Variants in ZNF385D observed in about 807,000 individuals in gnomAD.
ZNF385D encodes zinc finger protein 659.
ZNF385D carries 15 observed loss-of-function variants against 35.8 expected under a neutral mutation model. The observed-to-expected ratio is 0.42, with a 90% CI of 0.28 to 0.64. The LOEUF (loss-of-function observed/expected upper bound fraction) is 0.64, where lower values mean the gene tolerates loss of function less well. Among genes scored for constraint, ZNF385D ranks in the 30% least tolerant of loss-of-function variants. The pLI, the probability that ZNF385D is intolerant of heterozygous loss-of-function variation, is 0.23. For synonymous variants in ZNF385D, 212 were observed against 186.8 expected, an observed-to-expected ratio of 1.13 and a Z score of -1.10; for missense variants, 474 against 494.6, an observed-to-expected ratio of 0.96 and a Z score of 0.39.
In ZNF385D at chr3:22,096,837, T is replaced by C. The variant is rs540766295; in HGVS notation, c.325+71980A>G. Among the ~76,000 whole-genome samples, 15 of 152,210 alleles carry C rather than the reference T, an allele frequency of 9.9e-5. No homozygotes were observed. In the South Asian group the frequency reaches 1.2e-3, roughly 13 times the overall value. ...TCACAATTCTCTGATGCTCCTCTCA[T>C]TGAGAGAAACTGTGCCTTTCCTCCT... On this transcript the variant is annotated intron_variant, in intron 3 of 5. Transcript: ENST00000494108.
At chr3:22,220,201 C>A (rs1257427681) in intron 2 of ZNF385D, among the ~76,000 whole-genome samples, 1 of 151,828 alleles carries the variant, frequency 6.6e-6, no homozygotes, top group Non-Finnish European at 1.5e-5. Flanking sequence ...GTCACTGGGA[C>A]CACAGGCACG....
intron 2 of ZNF385D, among the ~76,000 whole-genome samples, chr3:22,172,004 A>C (rs1451841092): frequency 1.3e-5 from 2 of 152,188 alleles, no homozygotes; most frequent in African/African-American, 4.8e-5. Context: ...TAAAAACGAC[A>C]TGCTTAAATT....
chr3:21,762,903 A>G (rs984379333), intron 3 of ZNF385D, among the ~76,000 whole-genome samples: 2 of 152,170 alleles, frequency 1.3e-5, no homozygotes, highest in Non-Finnish European at 2.9e-5. Flanking sequence ...TTTTGGTTCT[A>G]CGTCACAGCT....
At chr3:22,060,838 T>C (rs1457171545) in intron 3 of ZNF385D, among the ~76,000 whole-genome samples, 1 of 152,060 alleles carries the variant, frequency 6.6e-6, no homozygotes, top group Non-Finnish European at 1.5e-5. Context: ...AAAAGAAAGT[T>C]TTGCAGTTTA....
chr3:21,989,042 T>C (rs6768662), intron 3 of ZNF385D, among the ~76,000 whole-genome samples: 50,790 of 151,590 alleles, frequency 0.34, 10,733 homozygotes, highest in African/African-American at 0.61. Context: ...CACTGGCCTG[T>C]GCCCACTGTC....
chr3:21,783,335 C>G (rs2071564205), intron 3 of ZNF385D, among the ~76,000 whole-genome samples: 1 of 152,050 alleles, frequency 6.6e-6, no homozygotes, highest in South Asian at 2.1e-4. Flanking sequence ...CCCAGGGAGT[C>G]TCAAATATTT....
intron 3 of ZNF385D, among the ~76,000 whole-genome samples, chr3:22,116,091 A>G (rs1164200869): frequency 6.6e-6 from 1 of 152,078 alleles, no homozygotes; most frequent in Non-Finnish European, 1.5e-5. Flanking sequence ...ATATTTACAC[A>G]TAAGTATGAT....
At chr3:21,746,910 G>A (rs183979521) in intron 1 of ZNF385D, among the ~76,000 whole-genome samples, 3 of 152,286 alleles carry the variant, frequency 2.0e-5, no homozygotes, top group East Asian at 1.9e-4. Flanking sequence ...ACAACCAAAA[G>A]TGTAAGTGCT....
chr3:22,365,729 A>G (rs1322443486), intron 2 of ZNF385D, among the ~76,000 whole-genome samples: 1 of 152,082 alleles, frequency 6.6e-6, no homozygotes. Flanking sequence ...AGTGTTTGAT[A>G]TAGTTTCTTT....
intron 2 of ZNF385D, among the ~76,000 whole-genome samples, chr3:22,364,897 C>A (rs987929354): frequency 1.3e-5 from 2 of 152,040 alleles, no homozygotes; most frequent in Admixed American, 1.3e-4. Flanking sequence ...TATACACACA[C>A]AGTGGAATAT....
At chr3:21,787,020 C>A (rs1020365396) in intron 3 of ZNF385D, among the ~76,000 whole-genome samples, 3 of 151,962 alleles carry the variant, frequency 2.0e-5, no homozygotes, top group African/African-American at 7.3e-5. Context: ...ACTTAAATGA[C>A]AAGGAATTTT....
chr3:21,732,791 G>A (rs1381926863), intron 1 of ZNF385D, among the ~76,000 whole-genome samples: 2 of 152,140 alleles, frequency 1.3e-5, no homozygotes, highest in Non-Finnish European at 2.9e-5. Flanking sequence ...TTGGATGACA[G>A]TCCTTTATCA....
At chr3:22,254,222 G>C (rs1700201139) in intron 2 of ZNF385D, among the ~76,000 whole-genome samples, 1 of 151,718 alleles carries the variant, frequency 6.6e-6, no homozygotes, top group African/African-American at 2.4e-5. Context: ...AAATTAAAAT[G>C]AGCAATAAAT....
At chr3:22,005,056 C>CAAAAAAAAAAAA (rs71044965) in intron 3 of ZNF385D, among the ~76,000 whole-genome samples, 7 of 57,368 alleles carry the variant, frequency 1.2e-4, no homozygotes, top group Non-Finnish European at 1.9e-4. Flanking sequence ...CACTCAGCAG[C>CAAAAAAAAAAAA]AAAAAAAAAA....
chr3:22,041,660 C>A (rs1457336903), intron 3 of ZNF385D, among the ~76,000 whole-genome samples: 1 of 151,866 alleles, frequency 6.6e-6, no homozygotes, highest in Non-Finnish European at 1.5e-5. Context: ...TTGTTTACAG[C>A]AATAGTGGCA....
rs550015564 is a variant in ZNF385D at position 22,209,083 on chromosome 3, C to T, written c.107-40048G>A. On this transcript the variant is annotated intron_variant, in intron 2 of 5. Coordinates refer to the ZNF385D transcript ENST00000494108. ...TTGTATTACAGCACAGAACTGCAGG[C>T]CATAAAGGCATTCTGCTCCTCCGAT... 1.5e-4 allele frequency among the ~76,000 whole-genome samples: 23 copies of T among 151,942 alleles called. 1 individual carries two copies. Among genetic ancestry groups the T allele is most frequent in the Admixed American group, 1.4e-3 (21 of 15,168 alleles).
At chr3:21,990,298 A>C (rs187945587) in intron 3 of ZNF385D, among the ~76,000 whole-genome samples, 1 of 152,314 alleles carries the variant, frequency 6.6e-6, no homozygotes, top group Admixed American at 6.5e-5. Context: ...ACATCTAGCA[A>C]AGCCTTGGTC....
chr3:21,973,118 G>T (rs764576589), intron 3 of ZNF385D, among the ~76,000 whole-genome samples: 19 of 151,842 alleles, frequency 1.3e-4, no homozygotes, highest in African/African-American at 4.6e-4. Context: ...AAAGAAAAAA[G>T]AAAGTAACAG....
intron 1 of ZNF385D, among the ~76,000 whole-genome samples, chr3:21,674,351 TTGAC>T (rs1379298490): frequency 1.3e-5 from 2 of 152,020 alleles, no homozygotes; most frequent in South Asian, 2.1e-4. Flanking sequence ...TTTCTCCACT[TTGAC>T]TGGGAAGGAA....
Sources: allele counts gnomAD v4.1 joint callset (sites outside exome capture counted in the v4.1 genomes callset), GRCh38; gene constraint gnomAD v4.1.1; transcripts MANE v1.5; gene names NCBI Gene and HGNC (gene_info 2026-07-23, HGNC 2026-07-21).